Variants in NRCAM observed in about 807,000 individuals in gnomAD.
The protein encoded by NRCAM is neuronal cell adhesion molecule.
NRCAM carries 83 observed loss-of-function variants against 156.5 expected under a neutral mutation model. The ratio of observed to expected loss-of-function variants is 0.53; its 90% CI spans 0.44 to 0.64. The LOEUF (loss-of-function observed/expected upper bound fraction) is 0.64. Among genes scored for constraint, NRCAM ranks in the 30% least tolerant of loss-of-function variants. The pLI, the probability that NRCAM is intolerant of heterozygous loss-of-function variation, is 0.00. For synonymous variants in NRCAM, 538 were observed against 563.9 expected (o/e 0.95, Z 0.65); for missense variants, 1,417 against 1,597.3 (o/e 0.89, Z 1.92).
chr7:108,398,328 T>G (rs1264665682), intron 2 of NRCAM, among the ~76,000 whole-genome samples: 1 of 152,182 alleles, frequency 6.6e-6, no homozygotes, highest in African/African-American at 2.4e-5. Context: ...ATCCAGCTCT[T>G]TCAAATTCCC....
chr7:108,154,667 C>A (rs1229023762), intron 32 of NRCAM, among the ~76,000 whole-genome samples: 1 of 152,112 alleles, frequency 6.6e-6, no homozygotes, highest in Non-Finnish European at 1.5e-5. Flanking sequence ...GAAGACCAGT[C>A]TTTAATAAGT....
rs1214038456 is a variant in NRCAM at position 108,149,674 on chromosome 7, A to AT, written c.*235_*236insA. The AT allele has an allele frequency of 2.0e-6, 1 of 505,686 alleles. No individual in the cohort carries two copies. The highest frequency in any genetic ancestry group is 3.5e-6 in the Non-Finnish European group (1 of 288,764). 31.3% of individuals were successfully genotyped at this position (505,686 alleles called of 1,614,324 possible). ...TGGTGATGTTGCATTATTTTTTATC[A>AT]GTTCTGAGGAAATCAAGAATACCCA... On this transcript the variant is annotated 3_prime_UTR_variant, in exon 33 of 33. Transcript: ENST00000379028.
chr7:108,319,908 A>C (rs2098980191), intron 2 of NRCAM, among the ~76,000 whole-genome samples: 1 of 152,218 alleles, frequency 6.6e-6, no homozygotes, highest in Non-Finnish European at 1.5e-5. Context: ...CCTAAGGGCA[A>C]TGGGAAGCCA....
chr7:108,440,956 T>C (rs143336200), intron 1 of NRCAM, among the ~76,000 whole-genome samples: 22 of 152,336 alleles, frequency 1.4e-4, no homozygotes, highest in African/African-American at 5.1e-4. Context: ...TCTGTAATTC[T>C]ACTTCAGGTG....
intron 1 of NRCAM, among the ~76,000 whole-genome samples, chr7:108,455,301 A>T (rs948545130): frequency 1.4e-4 from 21 of 151,954 alleles, no homozygotes; most frequent in South Asian, 1.0e-3. Flanking sequence ...CGCGGCGTGG[A>T]GGGGGCCGGG....
At chr7:108,191,153 G>A in intron 19 of NRCAM, 101 bp downstream of exon 19, 6 of 958,632 alleles carry the variant, frequency 6.3e-6, no homozygotes, top group Non-Finnish European at 9.4e-6. Flanking sequence ...TTTTCCTTAA[G>A]AAACACAATT....
At chr7:108,208,139 CAAAAAA>C (rs10616664) in intron 12 of NRCAM, among the ~76,000 whole-genome samples, 1 of 140,432 alleles carries the variant, frequency 7.1e-6, no homozygotes, top group African/African-American at 2.6e-5. Context: ...ATTAAAAATA[CAAAAAA>C]AAAAAAAAAA....
chr7:108,213,391 A>G (rs1223231470), intron 11 of NRCAM, among the ~76,000 whole-genome samples: 1 of 152,258 alleles, frequency 6.6e-6, no homozygotes, highest in African/African-American at 2.4e-5. Flanking sequence ...AACAAATAGC[A>G]CAATGAATGC....
At position 108,273,340 on chromosome 7, in the gene NRCAM, T is replaced by C. The variant is rs142235733; in HGVS notation, c.-106-33170A>G. Reference sequence around the variant, plus strand: ...ATCGCCACACTGTCTTCCACAATGGTTGAACTAGTTTACAGTCCCACCAAC... The same window carrying C: ...ATCGCCACACTGTCTTCCACAATGGCTGAACTAGTTTACAGTCCCACCAAC... On this transcript the variant is annotated intron_variant, in intron 3 of 32. Coordinates refer to ENST00000379028, the MANE Select transcript of NRCAM (RefSeq NM_001037132.4). Among the ~76,000 whole-genome samples, 807 of 152,324 alleles carry C rather than the reference T, an allele frequency of 5.3e-3. 5 individuals carry two copies. The highest frequency in any genetic ancestry group is 0.018 in the African/African-American group (738 of 41,568).
At chr7:108,174,628 T>C (rs2059789110) in intron 28 of NRCAM, among the ~76,000 whole-genome samples, 1 of 152,256 alleles carries the variant, frequency 6.6e-6, no homozygotes, top group South Asian at 2.1e-4. Context: ...CAAATCTTTC[T>C]GACCCAGAGA....
At chr7:108,404,838 T>C (rs965135614) in intron 1 of NRCAM, among the ~76,000 whole-genome samples, 3 of 152,132 alleles carry the variant, frequency 2.0e-5, no homozygotes, top group South Asian at 2.1e-4. Flanking sequence ...GAGGAAGTTG[T>C]TGGATTTGTT....
At chr7:108,417,400 C>T (rs949054904) in intron 1 of NRCAM, among the ~76,000 whole-genome samples, 5 of 152,138 alleles carry the variant, frequency 3.3e-5, no homozygotes, top group Non-Finnish European at 5.9e-5. Flanking sequence ...AAGAGAGACA[C>T]AGGGAAGGGG....
intron 1 of NRCAM, among the ~76,000 whole-genome samples, chr7:108,451,467 A>G (rs1231623173): frequency 6.6e-6 from 1 of 152,230 alleles, no homozygotes; most frequent in African/African-American, 2.4e-5. Context: ...TATATACCCC[A>G]GAGAATTGAA....
At chr7:108,218,680 C>T (rs1302715804) in intron 11 of NRCAM, among the ~76,000 whole-genome samples, 1 of 152,046 alleles carries the variant, frequency 6.6e-6, no homozygotes, top group Non-Finnish European at 1.5e-5. Flanking sequence ...GTGACACAAC[C>T]TATCAAAACC....
At chr7:108,212,209 A>G (rs2084959608) in intron 11 of NRCAM, among the ~76,000 whole-genome samples, 1 of 152,218 alleles carries the variant, frequency 6.6e-6, no homozygotes, top group Admixed American at 6.5e-5. Flanking sequence ...GTACTACATC[A>G]AGGGAAAACC....
intron 2 of NRCAM, among the ~76,000 whole-genome samples, chr7:108,331,356 GCA>G (rs2099124503): frequency 6.6e-6 from 1 of 151,918 alleles, no homozygotes; most frequent in African/African-American, 2.4e-5. Context: ...AACTGTGACT[GCA>G]CCACTGTACT....
rs1472779062 is a variant in NRCAM, at chr7:108,184,406, T to G, written c.2233+11A>C. 1 of 1,614,030 alleles carries G rather than the reference T, an allele frequency of 6.2e-7. No individual in the cohort carries two copies. The highest frequency in any genetic ancestry group is 8.5e-7 in the Non-Finnish European group (1 of 1,180,004). The stretch of plus-strand genomic sequence containing the variant: ...ATTTCGTACCCTAGAAGTCCCGCTT[T>G]CCCGCTTTACCTGAGGCTTTCGTCA... On this transcript the variant is annotated intron_variant, in intron 21 of 32. Transcript: ENST00000379028.
At chr7:108,251,421 T>C (rs2096339489) in intron 3 of NRCAM, among the ~76,000 whole-genome samples, 1 of 152,218 alleles carries the variant, frequency 6.6e-6, no homozygotes, top group Non-Finnish European at 1.5e-5. Flanking sequence ...AGATGCCCTA[T>C]CAGGGCTTAT....
chr7:108,368,063 GCT>G (rs1223336317), intron 2 of NRCAM, among the ~76,000 whole-genome samples: 3 of 151,948 alleles, frequency 2.0e-5, no homozygotes, highest in African/African-American at 4.8e-5. Flanking sequence ...CATTATTTGA[GCT>G]CTGAGGTTGA....
Sources: allele counts gnomAD v4.1 joint callset (sites outside exome capture counted in the v4.1 genomes callset), GRCh38; gene constraint gnomAD v4.1.1; transcripts MANE v1.5; gene names NCBI Gene and HGNC (gene_info 2026-07-23, HGNC 2026-07-21).